PKIB: variants seen among roughly 807,000 people sequenced by gnomAD.
PKIB encodes the protein cAMP-dependent protein kinase inhibitor beta, also known as PKI-beta.
PKIB carries 2 observed loss-of-function variants against 4.5 expected under a neutral mutation model. That is an observed-to-expected ratio of 0.44 (90% CI 0.18 to 1.39). The LOEUF (loss-of-function observed/expected upper bound fraction) is 1.39, where lower values mean the gene tolerates loss of function less well. Among genes scored for constraint, PKIB ranks in the 40% most tolerant of loss-of-function variants. The pLI, the probability that PKIB is intolerant of heterozygous loss-of-function variation, is 0.27. For synonymous variants in PKIB, 38 were observed against 36.0 expected, an observed-to-expected ratio of 1.06 and a Z score of -0.20; for missense variants, 94 against 92.6, an observed-to-expected ratio of 1.02 and a Z score of -0.06.
intron 2 of PKIB, among the ~76,000 whole-genome samples, chr6:122,541,653 T>C (rs901856235): frequency 1.2e-4 from 18 of 151,974 alleles, no homozygotes; most frequent in African/African-American, 3.6e-4. Flanking sequence ...ATCTGACAAT[T>C]ATGTGTCTTG....
rs530557353 is a variant in PKIB, at chr6:122,549,083, C to G, written c.-247-36838C>G. ...AAAAGATAATCTAGTTTACTTTCCCCCTTTGAGGCTGAATCATGTGTCAGC... is the reference window on the plus strand; with the variant it reads ...AAAAGATAATCTAGTTTACTTTCCCGCTTTGAGGCTGAATCATGTGTCAGC... On this transcript the variant is annotated intron_variant, in intron 2 of 6. Transcript: ENST00000392491. Among the ~76,000 whole-genome samples the G allele has an allele frequency of 3.9e-5, 6 of 152,200 alleles. No individual in the cohort carries two copies. The South Asian group carries it at 6.2e-4, about 16-fold the overall frequency.
At chr6:122,586,451 T>C (rs914700757) in intron 3 of PKIB, among the ~76,000 whole-genome samples, 1 of 152,182 alleles carries the variant, frequency 6.6e-6, no homozygotes, top group Non-Finnish European at 1.5e-5. Context: ...TTCATGTTTT[T>C]GTCCTCATAT....
At chr6:122,600,563 CAA>C (rs1774331446) in intron 3 of PKIB, among the ~76,000 whole-genome samples, 1 of 152,046 alleles carries the variant, frequency 6.6e-6, no homozygotes, top group African/African-American at 2.4e-5. Context: ...ATAGAGTATT[CAA>C]AAAGTCATTA....
intron 2 of PKIB, among the ~76,000 whole-genome samples, chr6:122,655,547 A>G (rs1047758209): frequency 6.6e-6 from 1 of 152,224 alleles, no homozygotes; most frequent in Non-Finnish European, 1.5e-5. Context: ...CTCAGCCTCC[A>G]GAACTGTGAG....
chr6:122,718,062 G>A, intron 4 of PKIB, 99 bp downstream of exon 4: 1 of 1,219,054 alleles, frequency 8.2e-7, no homozygotes, highest in Non-Finnish European at 1.1e-6. Context: ...AAAGTGCTCA[G>A]TTTCCTTATT....
At chr6:122,677,403 G>A (rs1306378874) in intron 3 of PKIB, among the ~76,000 whole-genome samples, 4 of 151,974 alleles carry the variant, frequency 2.6e-5, no homozygotes, top group Non-Finnish European at 4.4e-5. Context: ...TCACTGCATC[G>A]CTAACTTTTG....
intron 2 of PKIB, among the ~76,000 whole-genome samples, chr6:122,583,624 A>G (rs1582713959): frequency 1.3e-5 from 2 of 152,186 alleles, no homozygotes; most frequent in African/African-American, 4.8e-5. Flanking sequence ...GCACATATAC[A>G]TTTTGTAATG....
chr6:122,553,037 T>C (rs2114658301), intron 2 of PKIB, among the ~76,000 whole-genome samples: 1 of 152,300 alleles, frequency 6.6e-6, no homozygotes, highest in East Asian at 1.9e-4. Flanking sequence ...TAGTTAGTAA[T>C]TCTTTATTAT....
At chr6:122,712,035 T>C (rs933963765) in intron 3 of PKIB, among the ~76,000 whole-genome samples, 4 of 152,308 alleles carry the variant, frequency 2.6e-5, no homozygotes, top group African/African-American at 9.6e-5. Context: ...GGAAAGTTTC[T>C]AAGTTGAAAA....
At chr6:122,688,526 G>A (rs1159411842) in intron 3 of PKIB, among the ~76,000 whole-genome samples, 1 of 152,010 alleles carries the variant, frequency 6.6e-6, no homozygotes, top group Non-Finnish European at 1.5e-5. Flanking sequence ...GAGTAGGACT[G>A]GTATTAGTTC....
At chr6:122,471,975 A>G in exon 1 of PKIB, 1 of 976,090 alleles carries the variant, frequency 1.0e-6, no homozygotes, top group Non-Finnish European at 1.4e-6. Flanking sequence ...GAATTTCTCA[A>G]GGACTGCTGG....
chr6:122,665,333 T>C (rs1253634983), intron 2 of PKIB, among the ~76,000 whole-genome samples: 1 of 152,206 alleles, frequency 6.6e-6, no homozygotes, highest in Non-Finnish European at 1.5e-5. Context: ...CAAAGGGCCC[T>C]TTAAAATGGA....
At chr6:122,615,619 C>A (rs1489037861) in intron 1 of PKIB, among the ~76,000 whole-genome samples, 1 of 152,106 alleles carries the variant, frequency 6.6e-6, no homozygotes, top group Non-Finnish European at 1.5e-5. Flanking sequence ...GAAATAGGAT[C>A]ACTACATATG....
chr6:122,594,596 C>T (rs1263493670), intron 3 of PKIB, among the ~76,000 whole-genome samples: 4 of 152,208 alleles, frequency 2.6e-5, no homozygotes, highest in Non-Finnish European at 5.9e-5. Context: ...CTCGTTTCTG[C>T]AGCTGGTCAT....
intron 2 of PKIB, among the ~76,000 whole-genome samples, chr6:122,573,477 G>T (rs1402535158): frequency 3.0e-4 from 44 of 144,744 alleles, no homozygotes; most frequent in Middle Eastern, 3.4e-3. Context: ...AGCTGAGATT[G>T]TGCCACTGTC....
intron 2 of PKIB, among the ~76,000 whole-genome samples, chr6:122,544,602 T>C (rs1276297143): frequency 6.6e-6 from 1 of 152,058 alleles, no homozygotes; most frequent in African/African-American, 2.4e-5. Context: ...GTAGTGTGCA[T>C]GCTAGAACTT....
intron 3 of PKIB, among the ~76,000 whole-genome samples, chr6:122,707,357 A>T (rs1779104333): frequency 6.6e-6 from 1 of 152,100 alleles, no homozygotes; most frequent in African/African-American, 2.4e-5. Context: ...AAAAAGGCTT[A>T]ATCATTTCTC....
chr6:122,620,563 C>T (rs1775185595), intron 1 of PKIB, among the ~76,000 whole-genome samples: 1 of 152,130 alleles, frequency 6.6e-6, no homozygotes, highest in Non-Finnish European at 1.5e-5. Flanking sequence ...GTTGCATAAG[C>T]ATCTGTGTAG....
chr6:122,552,840 A>G (rs1772718237), intron 2 of PKIB, among the ~76,000 whole-genome samples: 1 of 152,068 alleles, frequency 6.6e-6, no homozygotes, highest in African/African-American at 2.4e-5. Flanking sequence ...TCTTCCAACA[A>G]GGTCTGGATC....
Sources: allele counts gnomAD v4.1 joint callset (sites outside exome capture counted in the v4.1 genomes callset), GRCh38; gene constraint gnomAD v4.1.1; transcripts MANE v1.5; gene names NCBI Gene and HGNC (gene_info 2026-07-23, HGNC 2026-07-21).